The following FAM200B variants were observed in gnomAD, a reference collection of about 807,000 sequenced individuals.
FAM200B encodes the protein protein FAM200B.
Under a neutral mutation model 33.1 loss-of-function variants are expected in FAM200B, and 32 were observed. That is an observed-to-expected ratio of 0.97 (90% CI 0.73 to 1.30). The LOEUF (loss-of-function observed/expected upper bound fraction) is 1.30, where lower values mean the gene tolerates loss of function less well. Ranked by LOEUF, FAM200B falls within the 50% of genes most tolerant of loss-of-function variation. FAM200B has a pLI of 0.00. For missense variants in FAM200B, 741 were observed against 754.0 expected, an observed-to-expected ratio of 0.98 and a Z score of 0.20; for synonymous variants, 240 against 264.8, an observed-to-expected ratio of 0.91 and a Z score of 0.91.
At chr4:15,667,671 G>A in the FAM200B span, among the ~76,000 whole-genome samples, 18 of 152,118 alleles carry the variant, frequency 1.2e-4, no homozygotes, top group Non-Finnish European at 2.1e-4. Flanking sequence ...GTGGCATTAT[G>A]AGAAGCAATT....
the FAM200B span, among the ~76,000 whole-genome samples, chr4:15,651,011 G>A: frequency 2.0e-5 from 3 of 152,050 alleles, no homozygotes; most frequent in African/African-American, 4.8e-5. Flanking sequence ...CTCAAAAGTG[G>A]TATGTCACTT....
the FAM200B span, among the ~76,000 whole-genome samples, chr4:15,647,327 TTATG>T: frequency 6.6e-6 from 1 of 151,658 alleles, no homozygotes; most frequent in Non-Finnish European, 1.5e-5. Context: ...TTTCACTGTA[TTATG>T]TATTATAAGT....
upstream of FAM200B, among the ~76,000 whole-genome samples, chr4:15,677,175 A>G (rs917990201): frequency 6.6e-6 from 1 of 152,180 alleles, no homozygotes; most frequent in African/African-American, 2.4e-5. Flanking sequence ...TTCACAAAGG[A>G]ACACAAGAGG....
the FAM200B span, among the ~76,000 whole-genome samples, chr4:15,673,347 G>C: frequency 6.6e-6 from 1 of 152,008 alleles, no homozygotes; most frequent in African/African-American, 2.4e-5. Context: ...AGGCTGAGGT[G>C]GGAGGATCAC....
chr4:15,688,518 C>A lies in FAM200B; in HGVS notation c.1541C>A (p.Ser514Tyr). The A allele has an allele frequency of 6.5e-7, 1 of 1,546,812 alleles. No individual in the cohort carries two copies. Among genetic ancestry groups the A allele is most frequent in the Non-Finnish European group, 8.7e-7 (1 of 1,143,100 alleles). ...TTAGAGATATTGTTGCATCTCACTT[C>A]TCTGTCTCAAACTTTTAACCATTTC... is the stretch of plus-strand genomic sequence containing the variant. ...IKLEILLHLT[S>Y]LSQTFNHFFP... Residue 514 changes from serine (S) to tyrosine (Y), a missense_variant, in exon 2 of 2, where the codon TCT becomes TAT. Coordinates refer to ENST00000422728, the MANE Select transcript of FAM200B (RefSeq NM_001145191.2).
the FAM200B span, chr4:15,641,013 T>C: frequency 2.0e-6 from 1 of 499,430 alleles, no homozygotes; most frequent in Admixed American, 4.2e-5. Context: ...AAGTGGTCTC[T>C]GTACTTTTAA....
At chr4:15,639,067 G>A in the FAM200B span, among the ~76,000 whole-genome samples, 1 of 152,200 alleles carries the variant, frequency 6.6e-6, no homozygotes, top group Non-Finnish European at 1.5e-5. Flanking sequence ...GAGAGACTGA[G>A]GCAGGAGAAT....
Position 15,689,063 on chromosome 4 carries a change from TTTTG to T in FAM200B, c.*115_*118del. On this transcript the variant is annotated 3_prime_UTR_variant, in exon 2 of 2. Transcript: ENST00000422728. ...TGTGATACTTTTGTTATGTTTTAATTTTTGTTATATTTAATAAAATTATTTTATG... is the reference window on the plus strand; with the variant it reads ...TGTGATACTTTTGTTATGTTTTAATTTTATATTTAATAAAATTATTTTATG... 1.2e-6 allele frequency: 1 copy of T among 811,108 alleles called. No homozygotes were observed. The highest frequency in any genetic ancestry group is 5.4e-5 in the South Asian group (1 of 18,676). The allele number at this position is 811,108 out of a possible 1,614,324, so 50.2% of individuals were successfully genotyped here.
the FAM200B span, chr4:15,638,754 C>T: frequency 9.2e-7 from 1 of 1,088,162 alleles, no homozygotes; most frequent in Non-Finnish European, 1.3e-6. Flanking sequence ...TTACTCTAAA[C>T]CCTTTTAAAT....
At chr4:15,651,884 T>C in the FAM200B span, among the ~76,000 whole-genome samples, 1 of 152,154 alleles carries the variant, frequency 6.6e-6, no homozygotes, top group African/African-American at 2.4e-5. Flanking sequence ...CCTACTCTTC[T>C]CTCAGAAATC....
chr4:15,641,787 G>A, the FAM200B span, among the ~76,000 whole-genome samples: 8 of 152,092 alleles, frequency 5.3e-5, no homozygotes, highest in Non-Finnish European at 1.0e-4. Context: ...ACCACTTTGG[G>A]ACGCAGAGGC....
the FAM200B span, among the ~76,000 whole-genome samples, chr4:15,672,366 C>T: frequency 6.6e-6 from 1 of 152,192 alleles, no homozygotes; most frequent in African/African-American, 2.4e-5. Flanking sequence ...GAGGAATGCA[C>T]CTTTAGGTAA....
the FAM200B span, among the ~76,000 whole-genome samples, chr4:15,636,913 A>C: frequency 2.0e-5 from 3 of 152,218 alleles, no homozygotes; most frequent in African/African-American, 7.2e-5. Flanking sequence ...AGCTACAATA[A>C]TGAACACAGA....
chr4:15,647,902 G>A, the FAM200B span, among the ~76,000 whole-genome samples: 1 of 152,280 alleles, frequency 6.6e-6, no homozygotes, highest in South Asian at 2.1e-4. Flanking sequence ...CACCCAGGCT[G>A]CAGTGCAGTG....
rs936192228 is a variant in FAM200B, at chr4:15,688,140, G to A, written c.1163G>A (p.Trp388Ter). 5 of 1,550,806 alleles carry A rather than the reference G, an allele frequency of 3.2e-6. No individual in the cohort carries two copies. In the African/African-American group the frequency reaches 4.1e-5, roughly 13 times the overall value. ...TTACTATATCATACCAAAATTCGTT[G>A]GTTGTCTCAAGGGAAAATACTAAGC... ...THLLYHTKIR[W>*]LSQGKILSRV... The change falls in exon 2 of 2, where the codon TGG (tryptophan) becomes TAG (stop). Residue 388 changes from tryptophan (W) to a stop codon, truncating the protein, a stop_gained. Transcript: ENST00000422728. LOFTEE classifies it high-confidence loss of function.
the FAM200B span, among the ~76,000 whole-genome samples, chr4:15,670,654 A>G: frequency 1.3e-5 from 2 of 152,082 alleles, no homozygotes; most frequent in Non-Finnish European, 2.9e-5. Flanking sequence ...CACAAAAGAA[A>G]CACTGGGCAA....
At chr4:15,659,320 T>A in the FAM200B span, among the ~76,000 whole-genome samples, 1 of 152,202 alleles carries the variant, frequency 6.6e-6, no homozygotes, top group Non-Finnish European at 1.5e-5. Flanking sequence ...AATATACATA[T>A]ATGGTTTTTA....
At position 15,688,896 on chromosome 4, in the gene FAM200B, C is replaced by T. The variant is rs1178525749; in HGVS notation, c.1919C>T (p.Ser640Phe). Residue 640 changes from serine (S) to phenylalanine (F), a missense_variant, in exon 2 of 2, where the codon TCT becomes TTT. Physicochemically the swap from Ser to Phe is radical, Grantham distance 155. Coordinates refer to ENST00000422728, the MANE Select transcript of FAM200B (RefSeq NM_001145191.2). Reference sequence around the variant, plus strand: ...GCAGCAGTTATGCGGGTAGCATTATCTTCCTGTGTTCCAGACTGGAATGAA... The same window carrying T: ...GCAGCAGTTATGCGGGTAGCATTATTTTCCTGTGTTCCAGACTGGAATGAA... ...NCAAVMRVAL[S>F]SCVPDWNELM... The T allele has an allele frequency of 1.3e-6, 2 of 1,548,228 alleles. No individual in the cohort carries two copies. Among genetic ancestry groups the T allele is most frequent in the African/African-American group, 2.7e-5 (2 of 72,972 alleles).
At chr4:15,645,650 A>G in the FAM200B span, among the ~76,000 whole-genome samples, 2 of 151,644 alleles carry the variant, frequency 1.3e-5, no homozygotes, top group Admixed American at 6.6e-5. Context: ...GCTGGTCTTG[A>G]ACTCCTGACC....
Sources: allele counts gnomAD v4.1 joint callset (sites outside exome capture counted in the v4.1 genomes callset), GRCh38; gene constraint gnomAD v4.1.1; transcripts MANE v1.5; gene names NCBI Gene and HGNC (gene_info 2026-07-23, HGNC 2026-07-21).